The following ERICH1 variants were observed in gnomAD, a reference collection of about 807,000 sequenced individuals.
ERICH1 encodes glutamate rich 1.
A neutral mutation model predicts 39.6 loss-of-function variants in ERICH1; 56 were observed. That is an observed-to-expected ratio of 1.41 (90% CI 1.14 to 1.77). ERICH1 has a LOEUF of 1.77. Ranked by LOEUF, ERICH1 falls within the 40% of genes most tolerant of loss-of-function variation. The pLI is 0.00. For missense variants in ERICH1, 826 were observed against 575.4 expected, an observed-to-expected ratio of 1.44 and a Z score of -4.45; for synonymous variants, 313 against 223.6, an observed-to-expected ratio of 1.40 and a Z score of -3.57.
At chr8:730,706 G>C (rs768441334) in intron 1 of ERICH1, among the ~76,000 whole-genome samples, 10 of 152,236 alleles carry the variant, frequency 6.6e-5, no homozygotes, top group Non-Finnish European at 1.3e-4. Flanking sequence ...CTCAGATGAG[G>C]ACACAGTGGC....
At chr8:719,030 G>A (rs1410937393) in intron 1 of ERICH1, among the ~76,000 whole-genome samples, 1 of 152,156 alleles carries the variant, frequency 6.6e-6, no homozygotes, top group South Asian at 2.1e-4. Flanking sequence ...ACACCCTCCT[G>A]AGGAGCTTCC....
intron 3 of ERICH1, among the ~76,000 whole-genome samples, chr8:624,881 C>T (rs1327629044): frequency 1.3e-5 from 2 of 152,114 alleles, no homozygotes; most frequent in African/African-American, 4.8e-5. Context: ...TGCCCGCCAC[C>T]ATGCCTGGCT....
chr8:730,176 T>C (rs760005278), intron 1 of ERICH1, among the ~76,000 whole-genome samples: 7 of 152,220 alleles, frequency 4.6e-5, no homozygotes, highest in Non-Finnish European at 7.3e-5. Flanking sequence ...TCTTAGGTCA[T>C]TTTTAACCTG....
At chr8:720,898 T>G (rs1040209695) in intron 1 of ERICH1, among the ~76,000 whole-genome samples, 1 of 152,182 alleles carries the variant, frequency 6.6e-6, no homozygotes, top group African/African-American at 2.4e-5. Flanking sequence ...TGACCCCTGC[T>G]ACTTCTGGTA....
chr8:704,446 T>G (rs1812816401), intron 2 of ERICH1, among the ~76,000 whole-genome samples: 1 of 152,140 alleles, frequency 6.6e-6, no homozygotes, highest in Non-Finnish European at 1.5e-5. Flanking sequence ...GGGGAGAAAT[T>G]AGTACTATTA....
intron 1 of ERICH1, among the ~76,000 whole-genome samples, chr8:720,978 G>C (rs1817184759): frequency 6.6e-6 from 1 of 152,160 alleles, no homozygotes; most frequent in Admixed American, 6.5e-5. Flanking sequence ...GCATGATTTT[G>C]ATATTAAATA....
chr8:715,601 G>C (rs1815754508), intron 2 of ERICH1, among the ~76,000 whole-genome samples: 1 of 152,250 alleles, frequency 6.6e-6, no homozygotes, highest in Non-Finnish European at 1.5e-5. Flanking sequence ...CCCAGTTTCA[G>C]TCCAATCGCC....
intron 3 of ERICH1, among the ~76,000 whole-genome samples, chr8:688,044 G>A (rs906635232): frequency 6.6e-6 from 1 of 152,236 alleles, no homozygotes; most frequent in Admixed American, 6.5e-5. Context: ...AGGCGGGGGA[G>A]ACGCGCGGCG....
At chr8:698,276 C>G (rs1008764360) in intron 2 of ERICH1, among the ~76,000 whole-genome samples, 3 of 150,548 alleles carry the variant, frequency 2.0e-5, no homozygotes, top group Non-Finnish European at 4.4e-5. Flanking sequence ...TGGAGTGCAG[C>G]GGCTCGATCT....
intron 2 of ERICH1, among the ~76,000 whole-genome samples, chr8:695,250 A>C (rs1585386209): frequency 6.6e-6 from 1 of 151,916 alleles, no homozygotes; most frequent in African/African-American, 2.4e-5. Flanking sequence ...TGCGGAAGGG[A>C]CCCTCATCCG....
chr8:699,572 G>A (rs1028669359), intron 2 of ERICH1, among the ~76,000 whole-genome samples: 1 of 147,162 alleles, frequency 6.8e-6, no homozygotes, highest in East Asian at 1.9e-4. Context: ...CAGAGAAGGA[G>A]GACGGCTTCA....
In ERICH1 at chr8:673,837, T is replaced by G. The variant is rs1252901859; in HGVS notation, c.515A>C (p.Lys172Thr). 6.2e-7 allele frequency: 1 copy of G among 1,614,088 alleles called. No homozygotes were observed. The change falls in exon 4 of 6, where the codon AAA becomes ACA. Residue 172 changes from lysine to threonine, a missense_variant. Coordinates refer to ENST00000262109, the MANE Select transcript of ERICH1 (RefSeq NM_207332.3). ...TGCCAAGCCGGCTGCTTTCTTCCTT[T>G]TAATTTGCTGTTTCTTTTTCAGTTT... The part of the protein sequence containing the change: ...KRKLKKKQQI[K>T]RKKAAGLAAK...
intron 3 of ERICH1, among the ~76,000 whole-genome samples, chr8:652,962 G>A (rs1800161672): frequency 6.6e-6 from 1 of 152,240 alleles, no homozygotes; most frequent in African/African-American, 2.4e-5. Context: ...GTGCTGGAGA[G>A]GATGAGGAGG....
chr8:707,351 G>C (rs1462717330), intron 2 of ERICH1, among the ~76,000 whole-genome samples: 1 of 151,944 alleles, frequency 6.6e-6, no homozygotes, highest in Non-Finnish European at 1.5e-5. Context: ...GGGACTACAG[G>C]TACCTGCCAC....
At chr8:729,746 A>T (rs906547879) in intron 1 of ERICH1, among the ~76,000 whole-genome samples, 3 of 151,956 alleles carry the variant, frequency 2.0e-5, no homozygotes, top group African/African-American at 7.3e-5. Context: ...GTTTCGAGGG[A>T]AGGTGATTAG....
intron 4 of ERICH1, 68 bp downstream of exon 4, chr8:673,221 T>C (rs1318425565): frequency 6.5e-5 from 96 of 1,484,016 alleles, no homozygotes; most frequent in Non-Finnish European, 7.5e-5. Flanking sequence ...TTAAGCATTA[T>C]ATTTGTTTCT....
intron 3 of ERICH1, among the ~76,000 whole-genome samples, chr8:674,949 C>A (rs527571982): frequency 1.6e-4 from 24 of 152,234 alleles, no homozygotes; most frequent in African/African-American, 5.1e-4. Context: ...CCCCCGTGGC[C>A]GATTTCAAAC....
rs777470631 is a variant in ERICH1, at chr8:673,360, G to C, written c.992C>G (p.Thr331Arg). Reference protein sequence around the residue: ...DGADASEEDDTITNEKAHSIL... With the variant: ...DGADASEEDDRITNEKAHSIL... ...ACTGTGTGCCTTTTCATTGGTAATT[G>C]TATCATCTTCCTCGCTGGCGTCTGC... The change falls in exon 4 of 6, where the codon ACA becomes AGA. Residue 331 changes from threonine (T) to arginine (R), a missense_variant. Thr to Arg is a moderately conservative substitution (Grantham distance 71). Coordinates refer to ENST00000262109, the MANE Select transcript of ERICH1 (RefSeq NM_207332.3). The C allele has an allele frequency of 2.5e-6, 4 of 1,614,082 alleles. No homozygotes were observed. Among genetic ancestry groups the C allele is most frequent in the Admixed American group, 3.3e-5 (2 of 60,010 alleles).
chr8:623,769 C>G (rs1052010556), intron 3 of ERICH1, among the ~76,000 whole-genome samples: 2 of 152,166 alleles, frequency 1.3e-5, no homozygotes, highest in African/African-American at 2.4e-5. Context: ...GACCACAGAC[C>G]TTAGTGTCAT....
Sources: gnomAD v4.1 joint callset for allele counts (sites outside exome capture counted in the v4.1 genomes callset) on GRCh38, gnomAD v4.1.1 for gene constraint, MANE v1.5 for transcripts, NCBI Gene and HGNC (gene_info 2026-07-23, HGNC 2026-07-21) for gene names.